The following AFF3 variants were observed in gnomAD, a reference collection of about 807,000 sequenced individuals.
AFF3 encodes AF4/FMR2 family member 3.
AFF3 carries 32 observed loss-of-function variants against 129.7 expected under a neutral mutation model. That is an observed-to-expected ratio of 0.25 (90% CI 0.19 to 0.33). The LOEUF (loss-of-function observed/expected upper bound fraction) is 0.33. Ranked by LOEUF, AFF3 falls within the 10% of genes least tolerant of loss-of-function variation. The pLI is 1.00. For synonymous variants in AFF3, 644 were observed against 635.4 expected (o/e 1.01, Z -0.20); for missense variants, 1,373 against 1,592.0 (o/e 0.86, Z 2.34).
At chr2:99,990,957 C>T (rs1278879859) in intron 7 of AFF3, among the ~76,000 whole-genome samples, 10 of 152,114 alleles carry the variant, frequency 6.6e-5, no homozygotes, top group Admixed American at 5.2e-4. Flanking sequence ...GCTGAACCAC[C>T]ATGGACCCCA....
intron 8 of AFF3, among the ~76,000 whole-genome samples, chr2:99,793,829 T>C (rs956220185): frequency 2.4e-4 from 37 of 152,228 alleles, no homozygotes; most frequent in African/African-American, 8.9e-4. Context: ...GGGTTTAATT[T>C]ACTCTTTGTA....
intron 13 of AFF3, among the ~76,000 whole-genome samples, chr2:99,612,048 C>T (rs1456978172): frequency 6.6e-6 from 1 of 152,176 alleles, no homozygotes; most frequent in Non-Finnish European, 1.5e-5. Flanking sequence ...CTGGGGAAGT[C>T]ACCACCATGT....
intron 8 of AFF3, among the ~76,000 whole-genome samples, chr2:99,795,782 T>C (rs1049476506): frequency 3.9e-5 from 6 of 151,916 alleles, no homozygotes; most frequent in African/African-American, 1.2e-4. Context: ...CTCCAGGTGG[T>C]TGAAACATTA....
At chr2:100,017,151 T>C (rs1683201539) in intron 4 of AFF3, among the ~76,000 whole-genome samples, 2 of 152,028 alleles carry the variant, frequency 1.3e-5, no homozygotes, top group African/African-American at 4.8e-5. Flanking sequence ...ACAGTGCATA[T>C]AACAAATTCT....
chr2:99,876,931 G>A (rs1245776041), intron 7 of AFF3, among the ~76,000 whole-genome samples: 1 of 152,170 alleles, frequency 6.6e-6, no homozygotes, highest in Admixed American at 6.5e-5. Flanking sequence ...GTTTTAAGAA[G>A]GAAAATTGCT....
chr2:99,947,451 A>C (rs1675677836), intron 7 of AFF3, among the ~76,000 whole-genome samples: 1 of 151,096 alleles, frequency 6.6e-6, no homozygotes, highest in South Asian at 2.1e-4. Flanking sequence ...CAAAGATAGA[A>C]AGACAGGAAA....
chr2:100,010,109 G>A (rs140593310), intron 4 of AFF3, among the ~76,000 whole-genome samples: 4 of 152,270 alleles, frequency 2.6e-5, no homozygotes, highest in African/African-American at 9.6e-5. Flanking sequence ...CAAAGCAGGG[G>A]CGTTTCATGG....
intron 8 of AFF3, among the ~76,000 whole-genome samples, chr2:99,814,930 A>T (rs1425676672): frequency 6.6e-6 from 1 of 151,642 alleles, no homozygotes; most frequent in Non-Finnish European, 1.5e-5. Flanking sequence ...GCTCACTGCA[A>T]CCTCTGTCTC....
At chr2:99,742,573 T>C (rs1475743015) in intron 10 of AFF3, among the ~76,000 whole-genome samples, 1 of 152,186 alleles carries the variant, frequency 6.6e-6, no homozygotes, top group Non-Finnish European at 1.5e-5. Context: ...AGACAGTCCT[T>C]GGACAATAAT....
At chr2:99,750,979 C>T (rs149258792) in intron 9 of AFF3, among the ~76,000 whole-genome samples, 5 of 152,148 alleles carry the variant, frequency 3.3e-5, no homozygotes, top group East Asian at 1.9e-4. Flanking sequence ...TCTTCAAATA[C>T]GTTTTATTGT....
intron 4 of AFF3, among the ~76,000 whole-genome samples, chr2:100,037,442 T>C (rs1412501985): frequency 3.1e-5 from 4 of 127,274 alleles, no homozygotes; most frequent in Non-Finnish European, 4.7e-5. Context: ...ATATTTATAT[T>C]TTATATATTA....
chr2:100,045,321 C>T (rs1356234943), intron 4 of AFF3, among the ~76,000 whole-genome samples: 2 of 152,192 alleles, frequency 1.3e-5, no homozygotes, highest in Non-Finnish European at 2.9e-5. Context: ...CTTTTCTTCT[C>T]GTTCTGCCTC....
At chr2:99,587,416 G>T in intron 15 of AFF3, 138 bp from the exon 16 acceptor site, 1 of 969,538 alleles carries the variant, frequency 1.0e-6, no homozygotes, top group Non-Finnish European at 1.5e-6. Context: ...CTGAGCAGCT[G>T]TGCCCCTGCC....
chr2:99,649,774 T>A (rs893404891), intron 12 of AFF3, 108 bp from the exon 13 acceptor site: 1 of 1,251,672 alleles, frequency 8.0e-7, no homozygotes, highest in African/African-American at 1.5e-5. Flanking sequence ...ATTTTTGCCA[T>A]GTGGCCAAAT....
At chr2:100,002,242 C>T (rs950289128) in intron 7 of AFF3, among the ~76,000 whole-genome samples, 2 of 152,002 alleles carry the variant, frequency 1.3e-5, no homozygotes, top group East Asian at 1.9e-4. Flanking sequence ...CTTTTTTGCC[C>T]GACAGGCTGG....
At chr2:100,109,460 A>G (rs984899811) in intron 2 of AFF3, among the ~76,000 whole-genome samples, 7 of 149,312 alleles carry the variant, frequency 4.7e-5, no homozygotes, top group Non-Finnish European at 7.4e-5. Context: ...CAGATCATGT[A>G]TTTTATGCCA....
Position 100,105,430 on chromosome 2 carries a change from C to T in AFF3, c.-65+74G>A, listed in dbSNP as rs1691212162. On this transcript the variant is annotated intron_variant, in intron 3 of 24. Transcript: ENST00000672756. Reference sequence around the variant, plus strand: ...GGACCTGCTCTCCGTTGCGGTTTGGCCTCCAGTGGTGGTCCCACCCACCCT... The same window carrying T: ...GGACCTGCTCTCCGTTGCGGTTTGGTCTCCAGTGGTGGTCCCACCCACCCT... The T allele has an allele frequency of 6.8e-6, 9 of 1,317,678 alleles. No individual in the cohort carries two copies. In the South Asian group the frequency reaches 7.4e-5, roughly 11 times the overall value. 81.6% of individuals were successfully genotyped at this position (1,317,678 alleles called of 1,614,324 possible). A position where few individuals can be genotyped will look rare whatever the true frequency, so the allele number is the denominator to read the frequency against.
At chr2:99,647,736 C>T (rs569022875) in intron 13 of AFF3, among the ~76,000 whole-genome samples, 3 of 152,268 alleles carry the variant, frequency 2.0e-5, no homozygotes, top group African/African-American at 4.8e-5. Flanking sequence ...AAAGTCAGCT[C>T]GTCACTTTGA....
At chr2:99,835,214 T>C (rs7586604) in intron 8 of AFF3, among the ~76,000 whole-genome samples, 119,096 of 151,960 alleles carry the variant, frequency 0.78, 47,484 homozygotes, top group South Asian at 0.93. Context: ...GCATTTAAAC[T>C]GCTAATGTGA....
Sources: gnomAD v4.1 joint callset for allele counts (sites outside exome capture counted in the v4.1 genomes callset) on GRCh38, gnomAD v4.1.1 for gene constraint, MANE v1.5 for transcripts, NCBI Gene and HGNC (gene_info 2026-07-23, HGNC 2026-07-21) for gene names.